Variants in DOCK9 observed in about 807,000 individuals in gnomAD.
The protein encoded by DOCK9 is dedicator of cytokinesis 9.
DOCK9 carries 89 observed loss-of-function variants against 263.3 expected under a neutral mutation model. The observed-to-expected ratio is 0.34, with a 90% CI of 0.28 to 0.40. The LOEUF (loss-of-function observed/expected upper bound fraction) is 0.40. Among genes scored for constraint, DOCK9 ranks in the 10% least tolerant of loss-of-function variants. The pLI is 1.00. For missense variants in DOCK9, 2,140 were observed against 2,603.4 expected (o/e 0.82, Z 3.87); for synonymous variants, 976 against 973.1 (o/e 1.00, Z -0.06).
At chr13:98,899,851 T>A (rs1261966812) in intron 13 of DOCK9, among the ~76,000 whole-genome samples, 1 of 152,198 alleles carries the variant, frequency 6.6e-6, no homozygotes, top group Non-Finnish European at 1.5e-5. Context: ...GTAAGAAACT[T>A]ATTTTTTCCC....
intron 47 of DOCK9, chr13:98,808,547 T>A (rs2090972367): frequency 4.8e-6 from 4 of 837,988 alleles, no homozygotes; most frequent in Non-Finnish European, 5.9e-6. Flanking sequence ...AAATGCAAGC[T>A]AGCATGAAAC....
chr13:99,001,739 T>C (rs1422204836), intron 1 of DOCK9, among the ~76,000 whole-genome samples: 1 of 152,242 alleles, frequency 6.6e-6, no homozygotes, highest in Non-Finnish European at 1.5e-5. Context: ...ATATCTGCCA[T>C]GAGGCAGGAG....
rs555039794 is a variant in DOCK9, at chr13:98,805,493, T to C, written c.5515-284A>G. Among the ~76,000 whole-genome samples, 10 of 152,284 alleles carry C rather than the reference T, an allele frequency of 6.6e-5. No individual in the cohort carries two copies. The South Asian group carries it at 1.2e-3, about 19-fold the overall frequency. On this transcript the variant is annotated intron_variant, in intron 48 of 52. Coordinates refer to ENST00000682017, the MANE Select transcript of DOCK9 (RefSeq NM_001366683.2). ...AAGTAAGTGGTACACGTCAGGATACTACAGTCAGCTTCTCCTAAAAATAAG... is the reference window on the plus strand; with the variant it reads ...AAGTAAGTGGTACACGTCAGGATACCACAGTCAGCTTCTCCTAAAAATAAG...
intron 1 of DOCK9, among the ~76,000 whole-genome samples, chr13:98,961,034 A>C (rs989257924): frequency 1.3e-5 from 2 of 152,196 alleles, no homozygotes; most frequent in African/African-American, 4.8e-5. Flanking sequence ...AACTGAGTTG[A>C]AGCAGCCCTG....
chr13:98,803,950 T>G (rs894569803), intron 49 of DOCK9, among the ~76,000 whole-genome samples: 1 of 152,088 alleles, frequency 6.6e-6, no homozygotes, highest in African/African-American at 2.4e-5. Context: ...TTTTTTTTTT[T>G]TTTTTGTAAC....
Position 98,797,260 on chromosome 13 carries a change from T to A in DOCK9, c.6018-7A>T. 6.2e-7 allele frequency: 1 copy of A among 1,613,928 alleles called. No individual in the cohort carries two copies. The highest frequency in any genetic ancestry group is 8.5e-7 in the Non-Finnish European group (1 of 1,179,856). ...GCAAGCTTCCACAAATTGCCTGGAA[T>A]GGTACAGGCGGGAGAAACAAAGGCA... On this transcript the variant is annotated splice_region_variant and splice_polypyrimidine_tract_variant and intron_variant, in intron 51 of 52. Coordinates refer to ENST00000682017, the MANE Select transcript of DOCK9 (RefSeq NM_001366683.2).
At chr13:98,895,620 G>A (rs1166016862) in intron 15 of DOCK9, among the ~76,000 whole-genome samples, 5 of 151,040 alleles carry the variant, frequency 3.3e-5, no homozygotes, top group Non-Finnish European at 5.9e-5. Flanking sequence ...AGCTGAAATC[G>A]TGCTACTGTA....
rs768181374 is a variant in DOCK9 at position 98,797,449 on chromosome 13, T to C, written c.5957A>G (p.Asp1986Gly). 6.2e-7 allele frequency: 1 copy of C among 1,613,424 alleles called. No homozygotes were observed. Among genetic ancestry groups the C allele is most frequent in the Non-Finnish European group, 8.5e-7 (1 of 1,179,672 alleles). Reference protein sequence around the residue: ...GPLAYARAFLDDTNTKRYPDN... With the variant: ...GPLAYARAFLGDTNTKRYPDN... ...AGGATATCGCTTTGTGTTTGTATCATCTAAGAAAGCTCGCGCATATGCTAG... is the reference window on the plus strand; with the variant it reads ...AGGATATCGCTTTGTGTTTGTATCACCTAAGAAAGCTCGCGCATATGCTAG... Residue 1986 changes from aspartate (D) to glycine (G), a missense_variant, in exon 51 of 53, where the codon GAT becomes GGT. Transcript: ENST00000682017.
intron 1 of DOCK9, among the ~76,000 whole-genome samples, chr13:99,028,186 TGA>T (rs953043444): frequency 1.3e-5 from 2 of 152,090 alleles, no homozygotes; most frequent in African/African-American, 4.8e-5. Flanking sequence ...AACTGGAAGG[TGA>T]GACTGCCACT....
intron 43 of DOCK9, 54 bp from the exon 44 acceptor site, chr13:98,826,941 T>C (rs1374934555): frequency 2.2e-6 from 3 of 1,385,544 alleles, no homozygotes; most frequent in South Asian, 2.5e-5. Context: ...CAAGTCATAA[T>C]GCTCCCACAC....
At chr13:98,922,251 C>T in intron 5 of DOCK9, 105 bp from the exon 6 acceptor site, 1 of 761,892 alleles carries the variant, frequency 1.3e-6, no homozygotes, top group Non-Finnish European at 2.2e-6. Context: ...CCAAGTTGTC[C>T]ATTGCCCCTT....
intron 1 of DOCK9, among the ~76,000 whole-genome samples, chr13:99,054,909 G>A (rs999866169): frequency 6.6e-6 from 1 of 152,148 alleles, no homozygotes; most frequent in Non-Finnish European, 1.5e-5. Context: ...CAGTTTTAAA[G>A]TGCCTTCTTC....
intron 2 of DOCK9, among the ~76,000 whole-genome samples, chr13:98,951,180 A>C (rs2057369313): frequency 6.6e-6 from 1 of 152,218 alleles, no homozygotes; most frequent in African/African-American, 2.4e-5. Flanking sequence ...TAAGAAAAAT[A>C]AAGGTTTATT....
intron 1 of DOCK9, among the ~76,000 whole-genome samples, chr13:98,963,682 T>C (rs1168049616): frequency 2.0e-5 from 3 of 152,238 alleles, no homozygotes; most frequent in Non-Finnish European, 2.9e-5. Flanking sequence ...ATTTAGGACT[T>C]CCTTGATTTA....
chr13:98,882,554 T>C (rs932850096), intron 23 of DOCK9, among the ~76,000 whole-genome samples: 2 of 152,158 alleles, frequency 1.3e-5, no homozygotes, highest in African/African-American at 4.8e-5. Context: ...GAAGCTCTCC[T>C]AGACAAACCC....
At chr13:98,992,981 T>C (rs1233387411) in intron 1 of DOCK9, among the ~76,000 whole-genome samples, 1 of 152,040 alleles carries the variant, frequency 6.6e-6, no homozygotes, top group Non-Finnish European at 1.5e-5. Flanking sequence ...GCATGGTGTG[T>C]TTGGGAAACA....
intron 1 of DOCK9, among the ~76,000 whole-genome samples, chr13:98,988,736 T>C (rs572826832): frequency 9.2e-5 from 14 of 152,324 alleles, no homozygotes; most frequent in African/African-American, 2.9e-4. Flanking sequence ...CCCTACTGTA[T>C]TGAAACCTTT....
At chr13:98,932,722 C>T (rs1244528789) in intron 2 of DOCK9, among the ~76,000 whole-genome samples, 1 of 152,174 alleles carries the variant, frequency 6.6e-6, no homozygotes, top group Non-Finnish European at 1.5e-5. Context: ...TTTTCTTGCA[C>T]TGTGTCTATC....
exon 1 of DOCK9, chr13:99,086,440 G>A: frequency 1.2e-6 from 1 of 857,582 alleles, no homozygotes; most frequent in Non-Finnish European, 1.4e-6. Flanking sequence ...CGCCCGGCCC[G>A]CTCCGCCCGC....
Sources: allele counts gnomAD v4.1 joint callset (sites outside exome capture counted in the v4.1 genomes callset), GRCh38; gene constraint gnomAD v4.1.1; transcripts MANE v1.5; gene names NCBI Gene and HGNC (gene_info 2026-07-23, HGNC 2026-07-21).